PHLPP1: variants seen among roughly 807,000 people sequenced by gnomAD.
PHLPP1 encodes PH domain and leucine rich repeat protein phosphatase 1.
Under a neutral mutation model 117.2 loss-of-function variants are expected in PHLPP1, and 42 were observed. That is an observed-to-expected ratio of 0.36 (90% CI 0.28 to 0.46). The LOEUF is 0.46. PHLPP1 is among the 20% of genes least tolerant of loss of function. The pLI, the probability that PHLPP1 is intolerant of heterozygous loss-of-function variation, is 1.00. For missense variants in PHLPP1, 2,084 were observed against 2,241.9 expected (o/e 0.93, Z 1.42); for synonymous variants, 1,042 against 970.7 (o/e 1.07, Z -1.37).
chr18:62,974,718 G>A (rs932215351), intron 15 of PHLPP1, among the ~76,000 whole-genome samples: 2 of 152,170 alleles, frequency 1.3e-5, no homozygotes, highest in Non-Finnish European at 1.5e-5. Flanking sequence ...TCTGTATTTG[G>A]TAGGTCTGTG....
chr18:62,808,548 T>C (rs541729213), intron 1 of PHLPP1, among the ~76,000 whole-genome samples: 9 of 146,502 alleles, frequency 6.1e-5, no homozygotes, highest in Non-Finnish European at 1.4e-4. Context: ...CATCTCTCTG[T>C]TTTTTTTTGT....
intron 12 of PHLPP1, among the ~76,000 whole-genome samples, chr18:62,948,505 C>T (rs998345874): frequency 1.3e-5 from 2 of 152,134 alleles, no homozygotes; most frequent in African/African-American, 4.8e-5. Flanking sequence ...TGCTTTACAA[C>T]TCCTTTTCAA....
At chr18:62,966,330 T>G (rs1280442644) in intron 14 of PHLPP1, among the ~76,000 whole-genome samples, 1 of 152,100 alleles carries the variant, frequency 6.6e-6, no homozygotes, top group East Asian at 1.9e-4. Context: ...ATTATATTTT[T>G]AAGTTTATAT....
At chr18:62,740,728 T>C (rs1911500769) in intron 1 of PHLPP1, among the ~76,000 whole-genome samples, 1 of 152,208 alleles carries the variant, frequency 6.6e-6, no homozygotes. Context: ...ATCCCAGCAC[T>C]TTGGGAGACT....
intron 4 of PHLPP1, among the ~76,000 whole-genome samples, chr18:62,884,574 G>A (rs902908625): frequency 6.6e-6 from 1 of 152,214 alleles, no homozygotes; most frequent in African/African-American, 2.4e-5. Context: ...CCAGAGCGAC[G>A]CTTACAAGTC....
chr18:62,729,215 C>G (rs1911163056), intron 1 of PHLPP1, among the ~76,000 whole-genome samples: 1 of 152,164 alleles, frequency 6.6e-6, no homozygotes, highest in Admixed American at 6.6e-5. Context: ...TAAATGACTG[C>G]AAGACACAAA....
intron 1 of PHLPP1, among the ~76,000 whole-genome samples, chr18:62,772,885 C>CA (rs1912834907): frequency 6.9e-6 from 1 of 144,582 alleles, no homozygotes. Context: ...GGAAGGTGTC[C>CA]AAGAAAAAAA....
chr18:62,799,364 C>G (rs774012707), intron 1 of PHLPP1, among the ~76,000 whole-genome samples: 7 of 152,164 alleles, frequency 4.6e-5, no homozygotes, highest in Non-Finnish European at 1.0e-4. Context: ...GAGGTGGTTA[C>G]AAAGGCCACT....
At chr18:62,845,605 T>C (rs779526050) in intron 3 of PHLPP1, among the ~76,000 whole-genome samples, 1 of 152,214 alleles carries the variant, frequency 6.6e-6, no homozygotes, top group Non-Finnish European at 1.5e-5. Context: ...CATATCGATT[T>C]GTGTTATTAG....
chr18:62,787,351 AG>A (rs1488402419), intron 1 of PHLPP1, among the ~76,000 whole-genome samples: 1 of 152,152 alleles, frequency 6.6e-6, no homozygotes, highest in African/African-American at 2.4e-5. Flanking sequence ...TATTTTTAAT[AG>A]AGACGGGTTT....
chr18:62,733,420 A>G (rs1027434427), intron 1 of PHLPP1, among the ~76,000 whole-genome samples: 1 of 152,248 alleles, frequency 6.6e-6, no homozygotes, highest in Non-Finnish European at 1.5e-5. Flanking sequence ...CCGTGTAAAC[A>G]TAACTTTTTA....
intron 1 of PHLPP1, among the ~76,000 whole-genome samples, chr18:62,776,135 A>G (rs1912949916): frequency 6.6e-6 from 1 of 152,164 alleles, no homozygotes; most frequent in African/African-American, 2.4e-5. Context: ...TAAGTCCAAC[A>G]GTTTTAGGGC....
chr18:62,860,705 C>A, intron 4 of PHLPP1, 104 bp downstream of exon 4: 1 of 901,472 alleles, frequency 1.1e-6, no homozygotes, highest in Non-Finnish European at 1.7e-6. Context: ...AGTGTGTAAA[C>A]TTTCTCCTTC....
intron 12 of PHLPP1, among the ~76,000 whole-genome samples, chr18:62,955,217 A>G (rs1035036066): frequency 6.6e-6 from 1 of 152,228 alleles, no homozygotes; most frequent in African/African-American, 2.4e-5. Flanking sequence ...TGTCACATGC[A>G]TGAGCTGCAG....
At chr18:62,836,725 A>AT (rs573095320) in intron 2 of PHLPP1, among the ~76,000 whole-genome samples, 4 of 148,266 alleles carry the variant, frequency 2.7e-5, no homozygotes, top group African/African-American at 7.4e-5. Flanking sequence ...TATGGGCCTG[A>AT]TTTTTTTTGA....
chr18:62,944,878 G>A (rs993545388), intron 11 of PHLPP1, among the ~76,000 whole-genome samples: 2 of 152,130 alleles, frequency 1.3e-5, no homozygotes, highest in African/African-American at 2.4e-5. Context: ...GAGGAAAAGG[G>A]CATCCATTTT....
chr18:62,898,658 C>T (rs961708272), intron 6 of PHLPP1, among the ~76,000 whole-genome samples: 6 of 152,076 alleles, frequency 3.9e-5, no homozygotes, highest in African/African-American at 9.7e-5. Flanking sequence ...GCTACTTTTC[C>T]ACAATGAGAT....
intron 1 of PHLPP1, among the ~76,000 whole-genome samples, chr18:62,772,856 CTCTT>C (rs1401348403): frequency 2.4e-4 from 31 of 129,488 alleles, no homozygotes; most frequent in African/African-American, 1.0e-3. Context: ...AAAAGATTTT[CTCTT>C]TCTTTTTGTT....
intron 1 of PHLPP1, among the ~76,000 whole-genome samples, chr18:62,795,732 C>T (rs1173285724): frequency 3.9e-5 from 6 of 152,112 alleles, no homozygotes; most frequent in Admixed American, 2.6e-4. Context: ...CTCCAATATC[C>T]TGTTGCCCCT....
Sources: gnomAD v4.1 joint callset for allele counts (sites outside exome capture counted in the v4.1 genomes callset) on GRCh38, gnomAD v4.1.1 for gene constraint, MANE v1.5 for transcripts, NCBI Gene and HGNC (gene_info 2026-07-23, HGNC 2026-07-21) for gene names.